CARHSP1: variants seen among roughly 807,000 people sequenced by gnomAD.
CARHSP1 encodes the protein calcium-regulated heat-stable protein 1.
A neutral mutation model predicts 12.5 loss-of-function variants in CARHSP1; 14 were observed. The ratio of observed to expected loss-of-function variants is 1.12; its 90% CI spans 0.74 to 1.75. The LOEUF (loss-of-function observed/expected upper bound fraction) is 1.75. Among genes scored for constraint, CARHSP1 ranks in the 40% most tolerant of loss-of-function variants. CARHSP1 has a pLI of 0.00. For synonymous variants in CARHSP1, 161 were observed against 82.0 expected, an observed-to-expected ratio of 1.96 and a Z score of -5.20; for missense variants, 343 against 201.6, an observed-to-expected ratio of 1.70 and a Z score of -4.25.
rs140448527 is a variant in CARHSP1, at chr16:8,859,293, G to C, written c.36C>G (p.Pro12=). ...GCAGCCCGACTGAAGCTTGATGGGT[G>C]GGGGGCTGTGGTGGTGGGGGAGGCT... ...SSEPPPPPQP[P]THQASVGLLD... Residue 12 remains proline, a synonymous_variant, in exon 2 of 4, where the codon CCC becomes CCG. Transcript: ENST00000311052. 6.4e-5 allele frequency: 103 copies of C among 1,603,512 alleles called. No individual in the cohort carries two copies. In the Middle Eastern group the frequency reaches 9.9e-4, roughly 15 times the overall value.
At position 8,855,303 on chromosome 16, in the gene CARHSP1, A is replaced by G. The variant is rs561939972; in HGVS notation, c.305T>C (p.Val102Ala). The change falls in exon 4 of 4, where the codon GTG becomes GCG. Residue 102 changes from valine to alanine, a missense_variant. Coordinates refer to ENST00000311052, the MANE Select transcript of CARHSP1 (RefSeq NM_014316.4). Reference sequence around the variant, plus strand: ...TTTATAGGTGACCTCGTCGCCTTCCACTGGGACATACTCCCCTTCCACACT... The same window carrying G: ...TTTATAGGTGACCTCGTCGCCTTCCGCTGGGACATACTCCCCTTCCACACT... ...ISDVEGEYVPVEGDEVTYKMC... is the reference protein window; with the variant it reads ...ISDVEGEYVPAEGDEVTYKMC... 34 of 1,606,800 alleles carry G rather than the reference A, an allele frequency of 2.1e-5. No homozygotes were observed. In the South Asian group the frequency reaches 3.1e-4, roughly 15 times the overall value.
chr16:8,860,203 A>G, intron 1 of CARHSP1: 2 of 985,416 alleles, frequency 2.0e-6, no homozygotes, highest in Non-Finnish European at 2.4e-6. Context: ...GCCTGCACCC[A>G]GGACTGGGGG....
intron 1 of CARHSP1, among the ~76,000 whole-genome samples, chr16:8,865,276 ATTG>A (rs574408818): frequency 4.6e-4 from 70 of 152,076 alleles, no homozygotes; most frequent in Non-Finnish European, 8.7e-4. Flanking sequence ...CACCCAGCCA[ATTG>A]TTGTATTTTT....
chr16:8,859,234 G>C lies in CARHSP1; in HGVS notation c.95C>G (p.Ser32Cys). The stretch of plus-strand genomic sequence containing the variant: ...TGGGACCACGTTGCCCCGCAGAGGG[G>C]ATGGTGAGCGCTCACGGCTCCGAGG... Reference protein sequence around the residue: ...DTPRSRERSPSPLRGNVVPSP... With the variant: ...DTPRSRERSPCPLRGNVVPSP... The change falls in exon 2 of 4, where the codon TCC becomes TGC. Residue 32 changes from serine (S) to cysteine (C), a missense_variant. Coordinates refer to ENST00000311052, the MANE Select transcript of CARHSP1 (RefSeq NM_014316.4). The C allele has an allele frequency of 6.2e-7, 1 of 1,602,272 alleles. No homozygotes were observed. Among genetic ancestry groups the C allele is most frequent in the Non-Finnish European group, 8.5e-7 (1 of 1,176,838 alleles).
intron 1 of CARHSP1, 103 bp from the exon 2 acceptor site, chr16:8,859,438 C>G: frequency 1.9e-6 from 2 of 1,035,644 alleles, no homozygotes; most frequent in Non-Finnish European, 2.8e-6. Flanking sequence ...AGGCTCATTC[C>G]TCTCGGGCAC....
intron 1 of CARHSP1, among the ~76,000 whole-genome samples, chr16:8,864,925 G>A (rs952644724): frequency 3.3e-5 from 5 of 152,174 alleles, no homozygotes; most frequent in African/African-American, 1.2e-4. Context: ...CGCATGTCTG[G>A]AGACTTACGG....
chr16:8,861,496 A>G, intron 1 of CARHSP1: 1 of 772,582 alleles, frequency 1.3e-6, no homozygotes, highest in Non-Finnish European at 1.8e-6. Flanking sequence ...ACCGCCTTCA[A>G]GCATAGCCAC....
chr16:8,861,966 C>G (rs1312646231), intron 1 of CARHSP1, among the ~76,000 whole-genome samples: 60 of 142,156 alleles, frequency 4.2e-4, no homozygotes, highest in Non-Finnish European at 4.6e-5. Flanking sequence ...TCCCTCCTTT[C>G]TCCTGGAGTC....
Position 8,855,196 on chromosome 16 carries a change from C to G in CARHSP1, c.412G>C (p.Glu138Gln). ...ITHLAPGTKH[E>Q]TWSGHVISS Reference sequence around the variant, plus strand: ...CTGATGACATGTCCAGACCAGGTCTCATGCTTGGTGCCTGGTGCCAGGTGA... The same window carrying G: ...CTGATGACATGTCCAGACCAGGTCTGATGCTTGGTGCCTGGTGCCAGGTGA... Residue 138 changes from glutamate (E) to glutamine (Q), a missense_variant, in exon 4 of 4, where the codon GAG (glutamate) becomes CAG (glutamine). Coordinates refer to ENST00000311052, the MANE Select transcript of CARHSP1 (RefSeq NM_014316.4). The G allele has an allele frequency of 1.2e-6, 2 of 1,612,146 alleles. No individual in the cohort carries two copies. The highest frequency in any genetic ancestry group is 1.7e-6 in the Non-Finnish European group (2 of 1,178,760).
chr16:8,858,770 A>G, intron 2 of CARHSP1: 1 of 454,514 alleles, frequency 2.2e-6, no homozygotes, highest in Non-Finnish European at 3.9e-6. Flanking sequence ...TTTACTATTA[A>G]TAACACAAGC....
At chr16:8,863,760 AAAC>A (rs1267485009) in intron 1 of CARHSP1, among the ~76,000 whole-genome samples, 5 of 152,134 alleles carry the variant, frequency 3.3e-5, no homozygotes, top group Non-Finnish European at 5.9e-5. Flanking sequence ...GCTGGAAAGA[AAAC>A]AACTGGGGGG....
chr16:8,855,090 C>T lies in CARHSP1; in HGVS notation c.*74G>A, dbSNP rs1303392851. ...AGCCCCGTCTCGTGTGGAAGAATGT[C>T]ATCTCCAGTGTCTGCTGCCTCCTCC... On this transcript the variant is annotated 3_prime_UTR_variant, in exon 4 of 4. Coordinates refer to ENST00000311052, the MANE Select transcript of CARHSP1 (RefSeq NM_014316.4). 3.8e-6 allele frequency: 5 copies of T among 1,299,634 alleles called. No individual in the cohort carries two copies. The East Asian group carries it at 8.7e-5, about 22-fold the overall frequency. 80.5% of individuals were successfully genotyped at this position (1,299,634 alleles called of 1,614,324 possible).
At chr16:8,861,339 A>G (rs1158779958) in intron 1 of CARHSP1, among the ~76,000 whole-genome samples, 1 of 151,378 alleles carries the variant, frequency 6.6e-6, no homozygotes, top group Non-Finnish European at 1.5e-5. Flanking sequence ...TAAACATCCC[A>G]GGGGGTTTCC....
intron 1 of CARHSP1, chr16:8,861,581 T>C (rs2141114394): frequency 6.3e-6 from 8 of 1,275,376 alleles, no homozygotes; most frequent in East Asian, 5.6e-5. Flanking sequence ...TCCCCAGACA[T>C]TGCTGCACTC....
At chr16:8,865,660 C>A (rs910024009) in intron 1 of CARHSP1, among the ~76,000 whole-genome samples, 1 of 152,194 alleles carries the variant, frequency 6.6e-6, no homozygotes, top group African/African-American at 2.4e-5. Flanking sequence ...GGTAGTGGCC[C>A]GCACTATGGG....
intron 1 of CARHSP1, among the ~76,000 whole-genome samples, chr16:8,861,058 AT>A (rs2061337225): frequency 6.8e-5 from 2 of 29,256 alleles, no homozygotes; most frequent in Admixed American, 5.4e-4. Flanking sequence ...TCAAAAAAAA[AT>A]AAATAACTTT....
rs2061058644 is a variant in CARHSP1 at position 8,855,214 on chromosome 16, C to T, written c.394G>A (p.Ala132Thr). The T allele has an allele frequency of 1.9e-6, 3 of 1,612,842 alleles. No individual in the cohort carries two copies. The highest frequency in any genetic ancestry group is 2.5e-6 in the Non-Finnish European group (3 of 1,179,200). Reference sequence around the variant, plus strand: ...CAGGTCTCATGCTTGGTGCCTGGTGCCAGGTGAGTGATGACGACCTCCACG... The same window carrying T: ...CAGGTCTCATGCTTGGTGCCTGGTGTCAGGTGAGTGATGACGACCTCCACG... ...QAVEVVITHL[A>T]PGTKHETWSG... The change falls in exon 4 of 4, where the codon GCA (alanine) becomes ACA (threonine). Residue 132 changes from alanine (A) to threonine (T), a missense_variant. Ala to Thr is a moderately conservative substitution (Grantham distance 58, BLOSUM62 0). Transcript: ENST00000311052.
chr16:8,861,733 T>G (rs1027163964), intron 1 of CARHSP1: 1 of 1,286,788 alleles, frequency 7.8e-7, no homozygotes, highest in Non-Finnish European at 1.0e-6. Flanking sequence ...AGCCCCCACC[T>G]CAAAAAGGCC....
rs142480707 is a variant in CARHSP1, at chr16:8,855,226, T to G, written c.382A>C (p.Ile128Leu). Residue 128 changes from isoleucine to leucine, a missense_variant, in exon 4 of 4, where the codon ATC becomes CTC. Physicochemically the swap from Ile to Leu is conservative, Grantham distance 5 (BLOSUM62 2). Transcript: ENST00000311052. ...NEKLQAVEVV[I>L]THLAPGTKHE... ...TTGGTGCCTGGTGCCAGGTGAGTGA[T>G]GACGACCTCCACGGCCTGCAGCTTC... 4.6e-5 allele frequency: 74 copies of G among 1,613,390 alleles called. No homozygotes were observed. The African/African-American group carries it at 9.2e-4, about 20-fold the overall frequency.
Sources: allele counts gnomAD v4.1 joint callset (sites outside exome capture counted in the v4.1 genomes callset), GRCh38; gene constraint gnomAD v4.1.1; transcripts MANE v1.5; gene names NCBI Gene and HGNC (gene_info 2026-07-23, HGNC 2026-07-21).